Variants in COL10A1 observed in about 807,000 individuals in gnomAD.
The protein encoded by COL10A1 is collagen type X alpha 1 chain, also known as collagen alpha-1(X) chain.
In COL10A1, 10 loss-of-function variants were observed where a neutral mutation model predicts 18.2. That is an observed-to-expected ratio of 0.55 (90% CI 0.34 to 0.93). The LOEUF (loss-of-function observed/expected upper bound fraction) is 0.93, where lower values mean the gene tolerates loss of function less well. COL10A1 is among the 40% of genes least tolerant of loss of function. COL10A1 has a pLI of 0.02. For missense variants in COL10A1, 897 were observed against 853.5 expected, an observed-to-expected ratio of 1.05 and a Z score of -0.64; for synonymous variants, 330 against 316.6, an observed-to-expected ratio of 1.04 and a Z score of -0.45.
chr6:116,214,568 A>G, the COL10A1 span, among the ~76,000 whole-genome samples: 1 of 152,086 alleles, frequency 6.6e-6, no homozygotes, highest in Admixed American at 6.6e-5. Flanking sequence ...AAATTGTTAG[A>G]AATGCACATC....
Position 116,121,761 on chromosome 6 carries a change from C to T in COL10A1, c.355G>A (p.Glu119Lys), listed in dbSNP as rs1562124929. ...CCTTTTGGTCCATATGGTCCTCTCT[C>T]TCCTGGTTTTCCTGGGAGTCCTGGC... ...GVPGLPGKPG[E>K]RGPYGPKGDV... The change falls in exon 3 of 3, where the codon GAG becomes AAG. Residue 119 changes from glutamate (E) to lysine (K), a missense_variant. Physicochemically the swap from Glu to Lys is moderately conservative, Grantham distance 56. Transcript: ENST00000651968. 2 of 1,613,922 alleles carry T rather than the reference C, an allele frequency of 1.2e-6. No homozygotes were observed. The highest frequency in any genetic ancestry group is 3.3e-5 in the Admixed American group (2 of 60,012).
intron 1 of COL10A1, among the ~76,000 whole-genome samples, chr6:116,148,074 T>G (rs1342153873): frequency 6.6e-6 from 1 of 151,984 alleles, no homozygotes. Flanking sequence ...AAGAAGTGTA[T>G]AGAATAGAGT....
At chr6:116,145,414 T>C in intron 1 of COL10A1, 1 of 348,708 alleles carries the variant, frequency 2.9e-6, no homozygotes, top group South Asian at 2.3e-5. Context: ...TGCAAAACTT[T>C]TTCTGTTCTT....
chr6:116,137,167 C>A, intron 1 of COL10A1: 1 of 191,226 alleles, frequency 5.2e-6, no homozygotes. Flanking sequence ...GTGGCTGCCA[C>A]CCCAAAACCC....
In COL10A1 at chr6:116,119,767, TG is replaced by T; in HGVS notation, c.*305del. On this transcript the variant is annotated 3_prime_UTR_variant, in exon 3 of 3. Coordinates refer to ENST00000651968, the MANE Select transcript of COL10A1 (RefSeq NM_000493.4). ...CTGTTTTTTTTTTTAATTTTTTTTT[TG>T]TTGTTTGTTTTTTGTTGTTTGTTTT... is the stretch of plus-strand genomic sequence containing the variant. The T allele has an allele frequency of 4.0e-6, 1 of 252,572 alleles. No homozygotes were observed. Among genetic ancestry groups the T allele is most frequent in the Non-Finnish European group, 7.5e-6 (1 of 132,748 alleles). The allele number at this position is 252,572 out of a possible 1,614,324, so 15.6% of individuals were successfully genotyped here. A position where few individuals can be genotyped will look rare whatever the true frequency, so the allele number is the denominator to read the frequency against.
chr6:116,148,985 A>G (rs567107064), intron 1 of COL10A1, among the ~76,000 whole-genome samples: 113 of 152,338 alleles, frequency 7.4e-4, no homozygotes, highest in African/African-American at 2.6e-3. Context: ...CATTTAAGTG[A>G]TGAGAATTGA....
the COL10A1 span, among the ~76,000 whole-genome samples, chr6:116,178,084 TGTGTGCGCGC>T: frequency 2.9e-4 from 27 of 91,852 alleles, 1 homozygote; most frequent in South Asian, 7.4e-4. Context: ...TGTGTGTGTG[TGTGTGCGCGC>T]GCGCGCGCGT....
chr6:116,137,463 C>T (rs540997440), intron 1 of COL10A1: 32 of 174,384 alleles, frequency 1.8e-4, no homozygotes, highest in Non-Finnish European at 3.5e-4. Flanking sequence ...TTTGTGCAGC[C>T]GAGAACAGTA....
At chr6:116,194,457 G>A in the COL10A1 span, among the ~76,000 whole-genome samples, 1 of 152,202 alleles carries the variant, frequency 6.6e-6, no homozygotes, top group South Asian at 2.1e-4. Flanking sequence ...TGTGGAAGGG[G>A]ACTGGGAATT....
At chr6:116,141,263 ATT>A (rs201726112) in intron 1 of COL10A1, among the ~76,000 whole-genome samples, 2 of 142,750 alleles carry the variant, frequency 1.4e-5, no homozygotes, top group Admixed American at 6.9e-5. Context: ...TTTTTATCAG[ATT>A]TTTTTTTTTT....
At chr6:116,177,755 G>A in the COL10A1 span, among the ~76,000 whole-genome samples, 1 of 152,132 alleles carries the variant, frequency 6.6e-6, no homozygotes, top group East Asian at 1.9e-4. Context: ...ATTCTAAAAT[G>A]TTTTCTGACA....
At chr6:116,180,137 T>C in the COL10A1 span, among the ~76,000 whole-genome samples, 2 of 152,086 alleles carry the variant, frequency 1.3e-5, no homozygotes, top group African/African-American at 4.8e-5. Context: ...TTTTAAATTA[T>C]TAAGGGCATA....
chr6:116,213,272 A>G, the COL10A1 span, among the ~76,000 whole-genome samples: 1 of 152,026 alleles, frequency 6.6e-6, no homozygotes, highest in East Asian at 1.9e-4. Context: ...GGGGCTCACT[A>G]TGTCTTGCAG....
chr6:116,167,840 A>G, the COL10A1 span, among the ~76,000 whole-genome samples: 1 of 152,204 alleles, frequency 6.6e-6, no homozygotes, highest in Non-Finnish European at 1.5e-5. Flanking sequence ...CTAAACAATC[A>G]TATCTGTGTA....
the COL10A1 span, among the ~76,000 whole-genome samples, chr6:116,212,942 C>A: frequency 7.2e-5 from 11 of 152,146 alleles, no homozygotes; most frequent in Non-Finnish European, 1.3e-4. Context: ...CAGTAGAAAC[C>A]TTTGAGTTAT....
At chr6:116,151,234 C>T (rs1780029434) in intron 1 of COL10A1, among the ~76,000 whole-genome samples, 1 of 152,180 alleles carries the variant, frequency 6.6e-6, no homozygotes. Flanking sequence ...CAAACCCCCA[C>T]ATTTTAAAGA....
At chr6:116,200,755 G>C in the COL10A1 span, among the ~76,000 whole-genome samples, 1 of 151,864 alleles carries the variant, frequency 6.6e-6, no homozygotes, top group Non-Finnish European at 1.5e-5. Flanking sequence ...CCACTAGCTT[G>C]GAGCAGTTTC....
chr6:116,181,605 T>C, the COL10A1 span, among the ~76,000 whole-genome samples: 1 of 152,090 alleles, frequency 6.6e-6, no homozygotes, highest in Non-Finnish European at 1.5e-5. Flanking sequence ...TCACCACTTT[T>C]TTTCATTACA....
At chr6:116,193,737 T>C in the COL10A1 span, among the ~76,000 whole-genome samples, 1 of 147,202 alleles carries the variant, frequency 6.8e-6, no homozygotes, top group Non-Finnish European at 1.5e-5. Flanking sequence ...TCATCTTTGT[T>C]GTTGGACTTA....
Sources: gnomAD v4.1 joint callset for allele counts (sites outside exome capture counted in the v4.1 genomes callset) on GRCh38, gnomAD v4.1.1 for gene constraint, MANE v1.5 for transcripts, NCBI Gene and HGNC (gene_info 2026-07-23, HGNC 2026-07-21) for gene names.